FCRL1: variants seen among roughly 807,000 people sequenced by gnomAD.
The protein encoded by FCRL1 is Fc receptor-like protein 1.
A neutral mutation model predicts 49.2 loss-of-function variants in FCRL1; 34 were observed. The ratio of observed to expected loss-of-function variants is 0.69; its 90% CI spans 0.53 to 0.92. FCRL1 has a LOEUF of 0.92. Ranked by LOEUF, FCRL1 falls within the 40% of genes least tolerant of loss-of-function variation. The probability of loss-of-function intolerance (pLI) is 0.00; values close to 1 mark genes in which losing one functional copy is unlikely to be tolerated. For missense variants in FCRL1, 524 were observed against 524.1 expected (o/e 1.00, Z 0.00); for synonymous variants, 218 against 201.6 (o/e 1.08, Z -0.69).
At chr1:157,811,047 C>T (rs1654252033) in intron 1 of FCRL1, among the ~76,000 whole-genome samples, 1 of 152,150 alleles carries the variant, frequency 6.6e-6, no homozygotes, top group African/African-American at 2.4e-5. Flanking sequence ...TCCCAAAGTG[C>T]TGAGATTATA....
chr1:157,807,065 C>T, intron 2 of FCRL1, 37 bp downstream of exon 2: 1 of 1,612,920 alleles, frequency 6.2e-7, no homozygotes, highest in Non-Finnish European at 8.5e-7. Context: ...AACAAAATAC[C>T]CACAGACCTT....
chr1:157,803,732 A>G, intron 3 of FCRL1, 113 bp downstream of exon 3: 1 of 1,333,494 alleles, frequency 7.5e-7, no homozygotes, highest in Non-Finnish European at 1.0e-6. Flanking sequence ...ACTCAGGAAT[A>G]TCTTTCAAAC....
chr1:157,807,222 C>T (rs778866919), intron 1 of FCRL1, 100 bp from the exon 2 acceptor site: 114 of 1,218,938 alleles, frequency 9.4e-5, no homozygotes, highest in Non-Finnish European at 1.3e-4. Flanking sequence ...CACCCTCCAT[C>T]CCCTGGACCC....
intron 7 of FCRL1, among the ~76,000 whole-genome samples, chr1:157,799,632 G>T (rs1652096760): frequency 6.6e-6 from 1 of 151,888 alleles, no homozygotes; most frequent in Admixed American, 6.6e-5. Context: ...ACACACCGGG[G>T]ACTGTTGTGG....
At chr1:157,798,730 G>T (rs1385261319) in intron 7 of FCRL1, among the ~76,000 whole-genome samples, 3 of 151,792 alleles carry the variant, frequency 2.0e-5, no homozygotes, top group African/African-American at 7.3e-5. Flanking sequence ...ACTAAACATT[G>T]GGATCTCTAG....
chr1:157,804,656 T>C (rs951988542), intron 2 of FCRL1, among the ~76,000 whole-genome samples: 1 of 152,134 alleles, frequency 6.6e-6, no homozygotes, highest in Non-Finnish European at 1.5e-5. Flanking sequence ...AATCCCCTCA[T>C]TGCTGACTCT....
chr1:157,814,262 A>G (rs534054634), intron 1 of FCRL1, among the ~76,000 whole-genome samples: 2 of 152,308 alleles, frequency 1.3e-5, no homozygotes, highest in East Asian at 1.9e-4. Context: ...AATGGTCAAT[A>G]ATAACTATAG....
At chr1:157,797,037 A>G in intron 10 of FCRL1, 64 bp downstream of exon 10, 6 of 1,536,900 alleles carry the variant, frequency 3.9e-6, no homozygotes, top group Non-Finnish European at 5.4e-6. Context: ...TAATTTAAGA[A>G]GTTTGAGAAC....
chr1:157,815,538 C>T (rs1385844342), intron 1 of FCRL1, among the ~76,000 whole-genome samples: 1 of 151,544 alleles, frequency 6.6e-6, no homozygotes, highest in East Asian at 1.9e-4. Context: ...AACGTTTCAC[C>T]TCAAGGAACT....
At chr1:157,816,600 G>T (rs1386303668) in intron 1 of FCRL1, among the ~76,000 whole-genome samples, 1 of 151,706 alleles carries the variant, frequency 6.6e-6, no homozygotes, top group Non-Finnish European at 1.5e-5. Flanking sequence ...AAAGTATTAG[G>T]CAAGAGAAAG....
chr1:157,820,065 A>C lies in FCRL1; in HGVS notation c.-28T>G, dbSNP rs548377814. On this transcript the variant is annotated 5_prime_UTR_variant, in exon 1 of 11. Transcript: ENST00000368176. ...GGACCAGGTCAGGGATGGTACCTAGAGATGCCTCTCATCAAAAAAAGAATG... is the reference window on the plus strand; with the variant it reads ...GGACCAGGTCAGGGATGGTACCTAGCGATGCCTCTCATCAAAAAAAGAATG... The C allele has an allele frequency of 2.5e-6, 4 of 1,614,046 alleles. No individual in the cohort carries two copies. In the African/African-American group the frequency reaches 5.3e-5, roughly 22 times the overall value.
intron 2 of FCRL1, among the ~76,000 whole-genome samples, chr1:157,804,862 T>TC (rs202131267): frequency 0.06 from 9,137 of 151,442 alleles, 925 homozygotes; most frequent in African/African-American, 0.21. Context: ...TTTTTCTTTT[T>TC]TTTTTTTTCC....
chr1:157,813,922 T>C (rs1571411222), intron 1 of FCRL1, among the ~76,000 whole-genome samples: 1 of 152,196 alleles, frequency 6.6e-6, no homozygotes, highest in East Asian at 1.9e-4. Flanking sequence ...CAGGAAAGAA[T>C]AAGATGATAT....
chr1:157,800,084 T>G lies in FCRL1; in HGVS notation c.1005A>C (p.Gly335=), dbSNP rs147811549. The G allele has an allele frequency of 2.8e-5, 45 of 1,613,316 alleles. No individual in the cohort carries two copies. The highest frequency in any genetic ancestry group is 3.6e-5 in the Non-Finnish European group (43 of 1,179,588). The change falls in exon 7 of 11, where the codon GGA becomes GGC. Residue 335 remains glycine (G), a splice_region_variant and synonymous_variant. Coordinates refer to ENST00000368176, the MANE Select transcript of FCRL1 (RefSeq NM_052938.5). ...LFCYGLKRKI[G]RRSARDPLRS... Reference sequence around the variant, plus strand: ...TGAGTGGATCCCTGGCTGAACGTCTTCCTGAAAGAAAAACAAATGAGCATA... The same window carrying G: ...TGAGTGGATCCCTGGCTGAACGTCTGCCTGAAAGAAAAACAAATGAGCATA...
At position 157,807,104 on chromosome 1, in the gene FCRL1, G is replaced by C. The variant is rs1479518471; in HGVS notation, c.50C>G (p.Ala17Gly). Residue 17 changes from alanine to glycine, a missense_variant and splice_region_variant, in exon 2 of 11, where the codon GCC becomes GGC. Ala to Gly is a moderately conservative substitution (Grantham distance 60). Transcript: ENST00000368176. ...GAAGAAAAGGAAGTGCAACTCACCG[G>C]CAGGTTCACAGAGTGGAGCTGGGAG... is the stretch of plus-strand genomic sequence containing the variant. ...LLICAPLCEP[A>G]ELFLIASPSH... 6.2e-7 allele frequency: 1 copy of C among 1,613,682 alleles called. No homozygotes were observed. Among genetic ancestry groups the C allele is most frequent in the East Asian group, 2.2e-5 (1 of 44,874 alleles).
At chr1:157,810,293 CTTTTTTCTTTTTT>C (rs1654116821) in intron 1 of FCRL1, among the ~76,000 whole-genome samples, 2 of 67,252 alleles carry the variant, frequency 3.0e-5, no homozygotes, top group South Asian at 9.9e-4. Context: ...ATTTCTTTTT[CTTTTTTCTTTTTT>C]TTTTTTTTAA....
At chr1:157,816,770 T>G (rs1655074122) in intron 1 of FCRL1, among the ~76,000 whole-genome samples, 1 of 146,930 alleles carries the variant, frequency 6.8e-6, no homozygotes, top group African/African-American at 2.5e-5. Context: ...ACTTCACTGA[T>G]GAAGTTGCTG....
At chr1:157,800,189 A>G in intron 6 of FCRL1, 104 bp from the exon 7 acceptor site, 1 of 1,087,272 alleles carries the variant, frequency 9.2e-7, no homozygotes, top group African/African-American at 1.6e-5. Context: ...TCATGCTCAG[A>G]TGCCCATTGT....
At chr1:157,810,787 T>A (rs1654205946) in intron 1 of FCRL1, among the ~76,000 whole-genome samples, 1 of 152,078 alleles carries the variant, frequency 6.6e-6, no homozygotes, top group Admixed American at 6.6e-5. Context: ...TGAAAACTTT[T>A]TGTTTTATTT....
Sources: allele counts gnomAD v4.1 joint callset (sites outside exome capture counted in the v4.1 genomes callset), GRCh38; gene constraint gnomAD v4.1.1; transcripts MANE v1.5; gene names NCBI Gene and HGNC (gene_info 2026-07-23, HGNC 2026-07-21).